The following PRDM7 variants were observed in gnomAD, a reference collection of about 807,000 sequenced individuals.
PRDM7 encodes the protein PR/SET domain 7, also known as histone-lysine N-methyltransferase PRDM7.
Under a neutral mutation model 64.3 loss-of-function variants are expected in PRDM7, and 52 were observed. The ratio of observed to expected loss-of-function variants is 0.81; its 90% CI spans 0.65 to 1.02. The LOEUF is 1.02. PRDM7 is among the 50% of genes least tolerant of loss of function. PRDM7 has a pLI of 0.00. For synonymous variants in PRDM7, 192 were observed against 210.1 expected (o/e 0.91, Z 0.74); for missense variants, 574 against 597.1 (o/e 0.96, Z 0.40).
rs1185530772 is a variant in PRDM7 at position 90,062,099 on chromosome 16, G to A, written c.704C>T (p.Pro235Leu). ...GGGCAGACTGAGGGCTGAACGGTTGGGATGCCCCTTGTCCACTGCACTGTC... is the reference window on the plus strand; with the variant it reads ...GGGCAGACTGAGGGCTGAACGGTTGAGATGCCCCTTGTCCACTGCACTGTC... ...VKDSAVDKGH[P>L]NRSALSLPPG... is the part of the protein sequence containing the mutation. The change falls in exon 8 of 11, where the codon CCC becomes CTC. Residue 235 changes from proline to leucine, a missense_variant. By Grantham distance (98) the Pro-to-Leu change is moderately conservative. Coordinates refer to ENST00000449207, the MANE Select transcript of PRDM7 (RefSeq NM_001098173.2). 1.2e-6 allele frequency: 2 copies of A among 1,614,244 alleles called. No individual in the cohort carries two copies. The highest frequency in any genetic ancestry group is 1.1e-5 in the South Asian group (1 of 91,084).
chr16:90,061,720 T>G (rs987084271), intron 8 of PRDM7, among the ~76,000 whole-genome samples: 1 of 152,228 alleles, frequency 6.6e-6, no homozygotes, highest in Non-Finnish European at 1.5e-5. Context: ...GAGGATGCAC[T>G]TCTTTGTCTT....
In PRDM7 at chr16:90,068,011, G is replaced by A. The variant is rs143378954; in HGVS notation, c.302-1101C>T. On this transcript the variant is annotated intron_variant, in intron 4 of 10. Transcript: ENST00000449207. ...TCTAGTCAACATAGTCCTGTAAGTC[G>A]TAGCCTGAGCAATTAGGCCAGTAAA... Among the ~76,000 whole-genome samples the A allele has an allele frequency of 2.8e-3, 429 of 151,400 alleles. 3 individuals carry two copies. The highest frequency in any genetic ancestry group is 4.9e-3 in the Non-Finnish European group (330 of 67,990).
intron 6 of PRDM7, among the ~76,000 whole-genome samples, chr16:90,063,250 G>T (rs559270754): frequency 1.6e-4 from 24 of 152,148 alleles, no homozygotes; most frequent in African/African-American, 4.3e-4. Flanking sequence ...GTTTGAGACC[G>T]GCCTGGTCAA....
At chr16:90,074,266 T>C (rs1378926835) in intron 4 of PRDM7, among the ~76,000 whole-genome samples, 1 of 138,366 alleles carries the variant, frequency 7.2e-6, no homozygotes, top group Non-Finnish European at 1.6e-5. Flanking sequence ...TCTGTAATAA[T>C]AGTAACAATC....
chr16:90,057,966 T>C lies in PRDM7; in HGVS notation c.*323A>G. On this transcript the variant is annotated 3_prime_UTR_variant, in exon 11 of 11. Coordinates refer to ENST00000449207, the MANE Select transcript of PRDM7 (RefSeq NM_001098173.2). ...TAAGGCTTCTCCCCTGTGTGTGTCCTCTGGTGACTGAGGAGGTCTGACTTC... is the reference window on the plus strand; with the variant it reads ...TAAGGCTTCTCCCCTGTGTGTGTCCCCTGGTGACTGAGGAGGTCTGACTTC... The C allele has an allele frequency of 6.2e-7, 1 of 1,603,206 alleles. No individual in the cohort carries two copies. The highest frequency in any genetic ancestry group is 8.5e-7 in the Non-Finnish European group (1 of 1,172,830).
intron 4 of PRDM7, among the ~76,000 whole-genome samples, chr16:90,070,696 C>T (rs1231550424): frequency 1.4e-5 from 2 of 143,856 alleles, no homozygotes; most frequent in Non-Finnish European, 3.0e-5. Flanking sequence ...GAGCTGGAGG[C>T]TGACTACAAG....
At chr16:90,062,695 G>C (rs568498513) in intron 6 of PRDM7, among the ~76,000 whole-genome samples, 193 bp from the exon 7 acceptor site, 1 of 152,250 alleles carries the variant, frequency 6.6e-6, no homozygotes, top group South Asian at 2.1e-4. Context: ...TTCAATTTTA[G>C]TTTCTAGCTG....
In PRDM7 at chr16:90,058,304, T is replaced by C. The variant is rs2037713655; in HGVS notation, c.1464A>G (p.Lys488=). Residue 488 remains lysine, a synonymous_variant, in exon 11 of 11, where the codon AAA becomes AAG. Coordinates refer to ENST00000449207, the MANE Select transcript of PRDM7 (RefSeq NM_001098173.2). ...GTCCTTTTATTCAAGAGTTTGGACC[T>C]TTCTTTGATCTCTTGACCTTTGGTT... ...MTKPKVKRSK[K]GPNS The C allele has an allele frequency of 6.2e-7, 1 of 1,614,096 alleles. No homozygotes were observed. The highest frequency in any genetic ancestry group is 1.7e-5 in the Admixed American group (1 of 60,002).
chr16:90,059,206 T>A (rs886709498), intron 10 of PRDM7, among the ~76,000 whole-genome samples: 1 of 152,208 alleles, frequency 6.6e-6, no homozygotes, highest in African/African-American at 2.4e-5. Context: ...TCCCACTGAC[T>A]AAAGGACTGT....
chr16:90,061,891 A>G, intron 8 of PRDM7, 30 bp downstream of exon 8: 2 of 1,614,022 alleles, frequency 1.2e-6, no homozygotes, highest in Admixed American at 1.7e-5. Context: ...GTGGGAAGAC[A>G]GAACAGGGGA....
chr16:90,074,211 G>C (rs1373259299), intron 4 of PRDM7, among the ~76,000 whole-genome samples: 1 of 151,862 alleles, frequency 6.6e-6, no homozygotes, highest in Admixed American at 6.6e-5. Context: ...AGTGAGTTAT[G>C]ATTGTGCCAC....
intron 9 of PRDM7, 127 bp downstream of exon 9, chr16:90,061,325 A>G: frequency 1.1e-6 from 1 of 931,562 alleles, no homozygotes; most frequent in South Asian, 1.6e-5. Context: ...ATAAAACAGC[A>G]TTGTATGGAG....
At chr16:90,063,528 A>T in intron 6 of PRDM7, 84 bp downstream of exon 6, 1 of 1,492,456 alleles carries the variant, frequency 6.7e-7, no homozygotes, top group Non-Finnish European at 9.3e-7. Context: ...GCCTATCCAA[A>T]GTCCACCCCA....
Position 90,074,942 on chromosome 16 carries a change from T to C in PRDM7, c.275A>G (p.Asp92Gly). Residue 92 changes from aspartate (D) to glycine (G), a missense_variant, in exon 4 of 11, where the codon GAT (aspartate) becomes GGT (glycine). Coordinates refer to ENST00000449207, the MANE Select transcript of PRDM7 (RefSeq NM_001098173.2). ...KLQVDDTEDS[D>G]EEWTPRQQVK... Reference sequence around the variant, plus strand: ...TTGCTGCCTAGGTGTCCATTCTTCATCGGAATCTTCTGTGTCATCCACCTG... The same window carrying C: ...TTGCTGCCTAGGTGTCCATTCTTCACCGGAATCTTCTGTGTCATCCACCTG... 1 of 1,614,108 alleles carries C rather than the reference T, an allele frequency of 6.2e-7. No individual in the cohort carries two copies. Among genetic ancestry groups the C allele is most frequent in the South Asian group, 1.1e-5 (1 of 91,080 alleles).
At position 90,057,835 on chromosome 16, in the gene PRDM7, G is replaced by A. The variant is rs2037707038; in HGVS notation, c.*454C>T. Reference sequence around the variant, plus strand: ...ATTGAGATAAGGTTTTATTACTAATGACTTACTCATCCTTCCTGCAGACTG... The same window carrying A: ...ATTGAGATAAGGTTTTATTACTAATAACTTACTCATCCTTCCTGCAGACTG... On this transcript the variant is annotated 3_prime_UTR_variant, in exon 11 of 11. Coordinates refer to ENST00000449207, the MANE Select transcript of PRDM7 (RefSeq NM_001098173.2). 5 of 1,479,894 alleles carry A rather than the reference G, an allele frequency of 3.4e-6. No individual in the cohort carries two copies. The East Asian group carries it at 1.5e-4, about 46-fold the overall frequency. The allele number at this position is 1,479,894 out of a possible 1,614,324, so 91.7% of individuals were successfully genotyped here. A position where few individuals can be genotyped will look rare whatever the true frequency, so the allele number is the denominator to read the frequency against.
intron 8 of PRDM7, 101 bp from the exon 9 acceptor site, chr16:90,061,620 A>G: frequency 7.2e-7 from 1 of 1,381,190 alleles, no homozygotes; most frequent in Non-Finnish European, 1.0e-6. Flanking sequence ...GCAGAGCTTC[A>G]ACTGCCAACT....
At position 90,061,967 on chromosome 16, in the gene PRDM7, C is replaced by T. The variant is rs373371930; in HGVS notation, c.836G>A (p.Arg279Gln). ...GGCTGCCTCTTCGTCTTCTGTAATTCGGCCCTCATAGGGGCCAAAGTGCAG... is the reference window on the plus strand; with the variant it reads ...GGCTGCCTCTTCGTCTTCTGTAATTTGGCCCTCATAGGGGCCAAAGTGCAG... ...LGLHFGPYEGRITEDEEAANS... is the reference protein window; with the variant it reads ...LGLHFGPYEGQITEDEEAANS... The change falls in exon 8 of 11, where the codon CGA becomes CAA. Residue 279 changes from arginine to glutamine, a missense_variant. Physicochemically the swap from Arg to Gln is conservative, Grantham distance 43. Transcript: ENST00000449207. 12 of 1,614,258 alleles carry T rather than the reference C, an allele frequency of 7.4e-6. No individual in the cohort carries two copies. Among genetic ancestry groups the T allele is most frequent in the African/African-American group, 4.0e-5 (3 of 75,068 alleles).
At chr16:90,069,170 C>A (rs1259366269) in intron 4 of PRDM7, among the ~76,000 whole-genome samples, 2 of 151,048 alleles carry the variant, frequency 1.3e-5, no homozygotes, top group South Asian at 2.1e-4. Context: ...ACCTATAGAC[C>A]AATGGAACAG....
chr16:90,077,250 G>A lies in PRDM7; in HGVS notation c.-110C>T, dbSNP rs1203780599. 2 of 152,240 alleles carry A rather than the reference G, an allele frequency of 1.3e-5. No homozygotes were observed. Among genetic ancestry groups the A allele is most frequent in the Admixed American group, 1.3e-4 (2 of 15,276 alleles). 9.4% of individuals were successfully genotyped at this position (152,240 alleles called of 1,614,324 possible). On this transcript the variant is annotated 5_prime_UTR_variant, in exon 1 of 11. Coordinates refer to ENST00000449207, the MANE Select transcript of PRDM7 (RefSeq NM_001098173.2). ...CAAGGGTTTCACGCTGCACGACAAAGGCTCCCCATGCTCTTCACAGTCTCC... is the reference window on the plus strand; with the variant it reads ...CAAGGGTTTCACGCTGCACGACAAAAGCTCCCCATGCTCTTCACAGTCTCC...
Sources: gnomAD v4.1 joint callset for allele counts (sites outside exome capture counted in the v4.1 genomes callset) on GRCh38, gnomAD v4.1.1 for gene constraint, MANE v1.5 for transcripts, NCBI Gene and HGNC (gene_info 2026-07-23, HGNC 2026-07-21) for gene names.